The following POLK variants were observed in gnomAD, a reference collection of about 807,000 sequenced individuals.
The protein encoded by POLK is polymerase (DNA directed) kappa.
A neutral mutation model predicts 94.0 loss-of-function variants in POLK; 76 were observed. The ratio of observed to expected loss-of-function variants is 0.81; its 90% CI spans 0.67 to 0.98. The LOEUF (loss-of-function observed/expected upper bound fraction) is 0.98, where lower values mean the gene tolerates loss of function less well. POLK is among the 50% of genes least tolerant of loss of function. The probability of loss-of-function intolerance (pLI) is 0.00; values close to 1 mark genes in which losing one functional copy is unlikely to be tolerated. For synonymous variants in POLK, 349 were observed against 325.4 expected (o/e 1.07, Z -0.78); for missense variants, 954 against 1,010.1 (o/e 0.94, Z 0.75).
chr5:75,596,136 T>A, intron 12 of POLK, 86 bp from the exon 13 acceptor site: 1 of 744,556 alleles, frequency 1.3e-6, no homozygotes, highest in Non-Finnish European at 2.3e-6. Flanking sequence ...TTTGTATATG[T>A]CATAGCACTA....
At chr5:75,527,809 G>A (rs1768948304) in intron 1 of POLK, among the ~76,000 whole-genome samples, 1 of 152,118 alleles carries the variant, frequency 6.6e-6, no homozygotes, top group South Asian at 2.1e-4. Flanking sequence ...CTTTTAAAAT[G>A]TCTGTCTTAT....
Position 75,546,634 on chromosome 5 carries a change from C to G in POLK, c.-13-376C>G, listed in dbSNP as rs1407225639. The stretch of plus-strand genomic sequence containing the variant: ...CCTGCCCCACCCCACCCCCCACCCC[C>G]ACAACATGTTTTTTGGAGTTTTTTC... On this transcript the variant is annotated intron_variant, in intron 1 of 14. Coordinates refer to ENST00000241436, the Ensembl canonical transcript of POLK. Among the ~76,000 whole-genome samples the G allele has an allele frequency of 3.3e-5, 4 of 122,792 alleles. No homozygotes were observed. In the East Asian group the frequency reaches 1.2e-3, roughly 35 times the overall value. The allele number at this position is 122,792 out of a possible 152,430, so 80.6% of individuals were successfully genotyped here. A position where few individuals can be genotyped will look rare whatever the true frequency, so the allele number is the denominator to read the frequency against.
chr5:75,588,895 G>A (rs893683508), intron 10 of POLK, among the ~76,000 whole-genome samples: 21 of 152,272 alleles, frequency 1.4e-4, no homozygotes, highest in African/African-American at 3.9e-4. Flanking sequence ...ATCTCTGTCC[G>A]TCAGAATTTA....
At chr5:75,596,196 AATTG>A in intron 12 of POLK, 22 bp from the exon 13 acceptor site, 1 of 1,313,798 alleles carries the variant, frequency 7.6e-7, no homozygotes. Flanking sequence ...TTCAATTTGA[AATTG>A]ATTGTGATTG....
At position 75,531,532 on chromosome 5, in the gene POLK, C is replaced by T. The variant is rs536899312; in HGVS notation, c.-13-15478C>T. The stretch of plus-strand genomic sequence containing the variant: ...ACTTGAGGCTGGGTGTGGTGGCTCA[C>T]GCCTGTAATCCCAGAAGTTTGGGAG... On this transcript the variant is annotated intron_variant, in intron 1 of 14. Transcript: ENST00000241436. Among the ~76,000 whole-genome samples the T allele has an allele frequency of 7.2e-5, 11 of 152,174 alleles. No homozygotes were observed. In the East Asian group the frequency reaches 1.7e-3, roughly 24 times the overall value.
Position 75,536,699 on chromosome 5 carries a change from C to T in POLK, c.-13-10311C>T, listed in dbSNP as rs78537055. ...TGCCATAGAAGCAGGACCCCTGGGC[C>T]GGAAGCTCTAGCATGTGTTGCCCCC... On this transcript the variant is annotated intron_variant, in intron 1 of 14. Transcript: ENST00000241436. Among the ~76,000 whole-genome samples the T allele has an allele frequency of 2.1e-3, 321 of 151,898 alleles. 1 individual carries two copies. The East Asian group carries it at 0.028, about 13-fold the overall frequency.
At chr5:75,605,698 T>G (rs1773406211), downstream of POLK, among the ~76,000 whole-genome samples, 1 of 152,162 alleles carries the variant, frequency 6.6e-6, no homozygotes, top group South Asian at 2.1e-4. Flanking sequence ...CATCAATTCT[T>G]TATAAACCAC....
chr5:75,549,185 CAAAT>C (rs894869391), intron 2 of POLK, among the ~76,000 whole-genome samples: 155 of 152,082 alleles, frequency 1.0e-3, no homozygotes, highest in African/African-American at 3.4e-3. Context: ...AAGAATAAAA[CAAAT>C]AAAACCTATG....
chr5:75,598,826 G>A (rs1025057677), exon 15 of POLK: 15 of 152,140 alleles, frequency 9.9e-5, no homozygotes, highest in African/African-American at 3.4e-4. Flanking sequence ...AACACATTAT[G>A]TATCTTAGTT....
intron 2 of POLK, among the ~76,000 whole-genome samples, chr5:75,551,285 T>C (rs1770319443): frequency 6.6e-6 from 1 of 151,098 alleles, no homozygotes; most frequent in Admixed American, 6.6e-5. Flanking sequence ...GCAATAAAAA[T>C]AAAAAGATAG....
chr5:75,603,631 C>T (rs1321398867), downstream of POLK, among the ~76,000 whole-genome samples: 2 of 152,130 alleles, frequency 1.3e-5, no homozygotes, highest in Non-Finnish European at 2.9e-5. Flanking sequence ...CCAATACAAG[C>T]TAGCTCCTAT....
At chr5:75,516,766 A>G (rs1038083500) in intron 1 of POLK, among the ~76,000 whole-genome samples, 1 of 152,222 alleles carries the variant, frequency 6.6e-6, no homozygotes, top group African/African-American at 2.4e-5. Flanking sequence ...CAGATCTTAC[A>G]TTTAAGTTTC....
chr5:75,511,662 T>C, upstream of POLK: 8 of 1,514,546 alleles, frequency 5.3e-6, no homozygotes, highest in Non-Finnish European at 7.1e-6. Context: ...CCCCTCCCCT[T>C]CGTCCTCCCA....
chr5:75,513,730 A>G (rs1178960304), intron 1 of POLK, among the ~76,000 whole-genome samples: 1 of 152,232 alleles, frequency 6.6e-6, no homozygotes, highest in Non-Finnish European at 1.5e-5. Flanking sequence ...AGGCTTCACT[A>G]TAACATTGGA....
chr5:75,583,486 TA>T, intron 8 of POLK, 69 bp downstream of exon 8: 1 of 851,296 alleles, frequency 1.2e-6, no homozygotes, highest in Non-Finnish European at 1.7e-6. Context: ...TGTAGGCCAA[TA>T]GTTAATCATT....
intron 2 of POLK, among the ~76,000 whole-genome samples, chr5:75,551,253 A>G (rs949190524): frequency 6.6e-6 from 1 of 151,910 alleles, no homozygotes; most frequent in Admixed American, 6.6e-5. Context: ...CAAAATTTAA[A>G]ATGTTTACAC....
upstream of POLK, among the ~76,000 whole-genome samples, chr5:75,510,849 A>C (rs1280826643): frequency 1.5e-4 from 23 of 152,142 alleles, no homozygotes; most frequent in Non-Finnish European, 4.4e-5. Context: ...CCTAAGTCCC[A>C]AGTCACGGCG....
chr5:75,530,197 T>C (rs1281203079), intron 1 of POLK, among the ~76,000 whole-genome samples: 1 of 151,782 alleles, frequency 6.6e-6, no homozygotes, highest in Admixed American at 6.6e-5. Context: ...TTTTTCTTTA[T>C]GTTTCTCACA....
chr5:75,569,509 T>C lies in POLK; in HGVS notation c.408+17T>C, dbSNP rs777611187. On this transcript the variant is annotated intron_variant, in intron 4 of 14. Coordinates refer to ENST00000241436, the Ensembl canonical transcript of POLK. ...AGTATGCTGGTAAGTAAAGATCAAA[T>C]ACAAAAAGGAAATTTTATAACGTAC... is the stretch of plus-strand genomic sequence containing the variant. 1.3e-6 allele frequency: 2 copies of C among 1,590,692 alleles called. No individual in the cohort carries two copies. The highest frequency in any genetic ancestry group is 1.7e-4 in the Middle Eastern group (1 of 5,934).
Sources: allele counts gnomAD v4.1 joint callset (sites outside exome capture counted in the v4.1 genomes callset), GRCh38; gene constraint gnomAD v4.1.1; transcripts MANE v1.5; gene names NCBI Gene and HGNC (gene_info 2026-07-23, HGNC 2026-07-21).